Variants in NCKAP5 observed in about 807,000 individuals in gnomAD.
The protein encoded by NCKAP5 is NCK associated protein 5.
In NCKAP5, 92 loss-of-function variants were observed where a neutral mutation model predicts 167.0. The observed-to-expected ratio is 0.55, with a 90% CI of 0.47 to 0.66. The LOEUF is 0.66. Ranked by LOEUF, NCKAP5 falls within the 30% of genes least tolerant of loss-of-function variation. The pLI, the probability that NCKAP5 is intolerant of heterozygous loss-of-function variation, is 0.00. For missense variants in NCKAP5, 2,378 were observed against 2,315.0 expected, an observed-to-expected ratio of 1.03 and a Z score of -0.56; for synonymous variants, 891 against 877.4, an observed-to-expected ratio of 1.02 and a Z score of -0.27.
intron 9 of NCKAP5, among the ~76,000 whole-genome samples, chr2:132,874,519 C>T (rs544944550): frequency 6.6e-6 from 1 of 152,164 alleles, no homozygotes; most frequent in African/African-American, 2.4e-5. Flanking sequence ...ATCAGAGAGA[C>T]AGGTGAGAAA....
At chr2:133,284,395 C>T (rs958625085) in intron 4 of NCKAP5, among the ~76,000 whole-genome samples, 12 of 152,112 alleles carry the variant, frequency 7.9e-5, no homozygotes, top group Non-Finnish European at 1.3e-4. Context: ...AAATTAATGA[C>T]TGGCCCATCA....
intron 3 of NCKAP5, among the ~76,000 whole-genome samples, chr2:133,332,438 A>C (rs1024566368): frequency 6.6e-6 from 1 of 152,094 alleles, no homozygotes; most frequent in South Asian, 2.1e-4. Flanking sequence ...AGCCAAAAAA[A>C]CCCCACAAAA....
intron 5 of NCKAP5, among the ~76,000 whole-genome samples, chr2:133,140,204 G>C (rs2082945457): frequency 6.6e-6 from 1 of 152,152 alleles, no homozygotes; most frequent in African/African-American, 2.4e-5. Flanking sequence ...CTTGACTGAA[G>C]TCTTAAACAT....
chr2:133,575,441 T>G, the NCKAP5 span, among the ~76,000 whole-genome samples: 28,825 of 152,210 alleles, frequency 0.19, 2,974 homozygotes, highest in Non-Finnish European at 0.22. Context: ...TATAAGAACA[T>G]GAGTCCTATC....
chr2:132,859,348 C>A (rs914325225), intron 11 of NCKAP5, among the ~76,000 whole-genome samples: 5 of 151,986 alleles, frequency 3.3e-5, no homozygotes, highest in African/African-American at 9.7e-5. Context: ...GATTTTTATT[C>A]CAAAATTCAG....
At chr2:133,004,818 C>T (rs1015668956) in intron 6 of NCKAP5, among the ~76,000 whole-genome samples, 2 of 152,332 alleles carry the variant, frequency 1.3e-5, no homozygotes, top group Admixed American at 1.3e-4. Flanking sequence ...CACCCCTTAT[C>T]TTCAACCGCA....
Position 132,784,275 on chromosome 2 carries a change from G to A in NCKAP5, c.2536C>T (p.Arg846Ter). ...CCTGAGCTCTCAGTCTTCATGAATCGTGAGAGTTTCCCAGGAGCTAAGGCT... is the reference window on the plus strand; with the variant it reads ...CCTGAGCTCTCAGTCTTCATGAATCATGAGAGTTTCCCAGGAGCTAAGGCT... ...SPALAPGKLS[R>*]FMKTESSGPL... Residue 846 changes from arginine to a stop codon, truncating the protein, a stop_gained, in exon 14 of 20, where the codon CGA becomes TGA. Transcript: ENST00000409261. LOFTEE classifies it high-confidence loss of function. 6.2e-7 allele frequency: 1 copy of A among 1,612,642 alleles called. No individual in the cohort carries two copies. Among genetic ancestry groups the A allele is most frequent in the Non-Finnish European group, 8.5e-7 (1 of 1,179,492 alleles).
At chr2:133,638,857 C>CAAAAAAAAAAAAAAA in the NCKAP5 span, among the ~76,000 whole-genome samples, 17 of 84,082 alleles carry the variant, frequency 2.0e-4, no homozygotes, top group Middle Eastern at 7.6e-3. Flanking sequence ...GACTCTATCT[C>CAAAAAAAAAAAAAAA]AAAAAAAAAA....
chr2:133,242,017 C>T (rs1835341), intron 4 of NCKAP5, among the ~76,000 whole-genome samples: 15,516 of 149,438 alleles, frequency 0.1, 890 homozygotes, highest in East Asian at 0.16. Context: ...ACTCAGAAGG[C>T]TGAGGCAGGA....
chr2:133,525,032 GA>G (rs1684757380), intron 2 of NCKAP5, among the ~76,000 whole-genome samples: 1 of 152,166 alleles, frequency 6.6e-6, no homozygotes, highest in African/African-American at 2.4e-5. Flanking sequence ...CCCCCACACA[GA>G]AAAGTGTTGT....
chr2:133,146,773 G>A (rs2083213240), intron 5 of NCKAP5, among the ~76,000 whole-genome samples: 2 of 152,074 alleles, frequency 1.3e-5, no homozygotes, highest in Admixed American at 1.3e-4. Flanking sequence ...GCTAAAGCAA[G>A]TTGAGAATAA....
chr2:133,635,330 T>G, the NCKAP5 span, among the ~76,000 whole-genome samples: 16 of 152,308 alleles, frequency 1.1e-4, no homozygotes, highest in South Asian at 2.1e-4. Flanking sequence ...TAAAATATAT[T>G]CATTCACTTC....
At chr2:132,871,368 T>A (rs1460940470) in intron 9 of NCKAP5, among the ~76,000 whole-genome samples, 1 of 152,212 alleles carries the variant, frequency 6.6e-6, no homozygotes, top group African/African-American at 2.4e-5. Context: ...GCAGGTTGAA[T>A]CAGGAACAAG....
intron 11 of NCKAP5, among the ~76,000 whole-genome samples, chr2:132,833,627 T>G (rs541646894): frequency 6.6e-6 from 1 of 152,330 alleles, no homozygotes; most frequent in Middle Eastern, 3.4e-3. Context: ...GTGTTCTTTA[T>G]CCAATGCATG....
rs189637778 is a variant in NCKAP5 at position 133,145,227 on chromosome 2, C to A, written c.208-15116G>T. Among the ~76,000 whole-genome samples, 429 of 152,012 alleles carry A rather than the reference C, an allele frequency of 2.8e-3. 2 individuals carry two copies. Among genetic ancestry groups the A allele is most frequent in the Non-Finnish European group, 4.8e-3 (323 of 67,982 alleles). On this transcript the variant is annotated intron_variant, in intron 5 of 19. Transcript: ENST00000409261. ...TGTAGCAGAAAAAAAAATCTATCTCCCTCTCTCTACCAAAAGTTTTATATT... is the reference window on the plus strand; with the variant it reads ...TGTAGCAGAAAAAAAAATCTATCTCACTCTCTCTACCAAAAGTTTTATATT...
At chr2:132,896,892 T>C (rs1383506812) in intron 8 of NCKAP5, among the ~76,000 whole-genome samples, 1 of 152,220 alleles carries the variant, frequency 6.6e-6, no homozygotes, top group African/African-American at 2.4e-5. Flanking sequence ...TTTCAAGCTC[T>C]TGCATTTAAT....
intron 3 of NCKAP5, among the ~76,000 whole-genome samples, chr2:133,491,583 C>G (rs775260395): frequency 6.6e-6 from 1 of 152,230 alleles, no homozygotes; most frequent in Admixed American, 6.5e-5. Context: ...TTCTGATATT[C>G]TATATGTTAA....
At chr2:133,606,028 GA>G in the NCKAP5 span, among the ~76,000 whole-genome samples, 7 of 151,836 alleles carry the variant, frequency 4.6e-5, no homozygotes, top group East Asian at 1.9e-4. Context: ...GGTTAATGTG[GA>G]AAAAAAATGC....
the NCKAP5 span, among the ~76,000 whole-genome samples, chr2:133,577,043 T>G: frequency 1.3e-5 from 2 of 152,148 alleles, no homozygotes. Context: ...GTAAGGCAAC[T>G]CATAGAAATG....
Sources: allele counts gnomAD v4.1 joint callset (sites outside exome capture counted in the v4.1 genomes callset), GRCh38; gene constraint gnomAD v4.1.1; transcripts MANE v1.5; gene names NCBI Gene and HGNC (gene_info 2026-07-23, HGNC 2026-07-21).